Variants in DIAPH3 observed in about 807,000 individuals in gnomAD.
The protein encoded by DIAPH3 is protein diaphanous homolog 3.
DIAPH3 carries 117 observed loss-of-function variants against 144.3 expected under a neutral mutation model. The observed-to-expected ratio is 0.81, with a 90% CI of 0.70 to 0.95. The LOEUF is 0.95. Ranked by LOEUF, DIAPH3 falls within the 40% of genes least tolerant of loss-of-function variation. DIAPH3 has a pLI of 0.00. For synonymous variants in DIAPH3, 519 were observed against 488.9 expected (o/e 1.06, Z -0.81); for missense variants, 1,421 against 1,412.7 (o/e 1.01, Z -0.09).
At chr13:59,781,189 C>G (rs1479715184) in intron 25 of DIAPH3, among the ~76,000 whole-genome samples, 4 of 152,022 alleles carry the variant, frequency 2.6e-5, no homozygotes, top group Non-Finnish European at 5.9e-5. Context: ...GAAAACAGGT[C>G]AAATATGTAG....
At chr13:59,729,304 T>C (rs1395265997) in intron 27 of DIAPH3, among the ~76,000 whole-genome samples, 36 of 152,180 alleles carry the variant, frequency 2.4e-4, no homozygotes, top group Non-Finnish European at 1.8e-4. Flanking sequence ...ATATTGTCTC[T>C]TTTTTAGTCT....
intron 17 of DIAPH3, among the ~76,000 whole-genome samples, chr13:59,962,093 GA>G (rs543672218): frequency 1.3e-5 from 2 of 151,796 alleles, no homozygotes; most frequent in Admixed American, 6.6e-5. Flanking sequence ...TTAAAAAAAA[GA>G]AAAAAAGGCA....
intron 3 of DIAPH3, among the ~76,000 whole-genome samples, chr13:60,099,910 A>AGGAG (rs2058218234): frequency 3.1e-5 from 1 of 32,680 alleles, no homozygotes; most frequent in Non-Finnish European, 7.1e-5. Context: ...AAGTAAGAGA[A>AGGAG]GGAAGGAAGG....
At position 59,833,106 on chromosome 13, in the gene DIAPH3, C is replaced by T. The variant is rs759339741; in HGVS notation, c.3027+1G>A. ...TTTAAAAAACAATTTTTTTACCATACCATGAATGTGGTTCTGAAGTTATTC... is the reference window on the plus strand; with the variant it reads ...TTTAAAAAACAATTTTTTTACCATATCATGAATGTGGTTCTGAAGTTATTC... On this transcript the variant is annotated splice_donor_variant, in intron 24 of 27. Coordinates refer to ENST00000400324, the MANE Select transcript of DIAPH3 (RefSeq NM_001042517.2). LOFTEE classifies it high-confidence loss of function. The T allele has an allele frequency of 6.2e-7, 1 of 1,606,424 alleles. No homozygotes were observed. Among genetic ancestry groups the T allele is most frequent in the Non-Finnish European group, 8.5e-7 (1 of 1,176,106 alleles).
chr13:60,105,885 C>T (rs2058406126), intron 3 of DIAPH3, among the ~76,000 whole-genome samples: 1 of 152,128 alleles, frequency 6.6e-6, no homozygotes, highest in Non-Finnish European at 1.5e-5. Flanking sequence ...TTTTTCTTTT[C>T]ATTCAGACTC....
intron 23 of DIAPH3, chr13:59,838,435 C>T (rs1405134334): frequency 3.3e-5 from 5 of 151,534 alleles, no homozygotes; most frequent in Non-Finnish European, 7.4e-5. Flanking sequence ...TACACACATA[C>T]ATACCGATTT....
chr13:59,915,759 G>A (rs2047190820), intron 19 of DIAPH3, among the ~76,000 whole-genome samples: 2 of 152,006 alleles, frequency 1.3e-5, no homozygotes. Context: ...AAAGGTAACT[G>A]TAATTGAAAA....
intron 1 of DIAPH3, among the ~76,000 whole-genome samples, chr13:60,152,505 T>A (rs1566829723): frequency 1.3e-5 from 2 of 148,994 alleles, no homozygotes; most frequent in South Asian, 4.2e-4. Context: ...TATATATATA[T>A]AAATTGGAAC....
At chr13:60,145,418 C>A (rs531040231) in intron 1 of DIAPH3, among the ~76,000 whole-genome samples, 1 of 152,304 alleles carries the variant, frequency 6.6e-6, no homozygotes, top group South Asian at 2.1e-4. Flanking sequence ...GAGGCTGAGG[C>A]GGGTGGATCA....
At chr13:59,873,161 G>A (rs560879687) in intron 21 of DIAPH3, among the ~76,000 whole-genome samples, 6 of 152,276 alleles carry the variant, frequency 3.9e-5, no homozygotes, top group African/African-American at 1.4e-4. Flanking sequence ...CTGGCTGCAT[G>A]TAAAATAAGA....
rs1593536895 is a variant in DIAPH3, at chr13:59,666,375, G to T, written c.*209C>A. The T allele has an allele frequency of 2.9e-5, 13 of 445,040 alleles. No individual in the cohort carries two copies. Among genetic ancestry groups the T allele is most frequent in the Admixed American group, 8.3e-5 (2 of 24,014 alleles). The allele number at this position is 445,040 out of a possible 1,614,324, so 27.6% of individuals were successfully genotyped here. A position where few individuals can be genotyped will look rare whatever the true frequency, so the allele number is the denominator to read the frequency against. On this transcript the variant is annotated 3_prime_UTR_variant, in exon 28 of 28. Coordinates refer to ENST00000400324, the MANE Select transcript of DIAPH3 (RefSeq NM_001042517.2). The stretch of plus-strand genomic sequence containing the variant: ...CAGGAGACAAAAAAAAAAAAAAAAG[G>T]ATTAAAGCCCGGTACAATCTTGAAT...
intron 22 of DIAPH3, among the ~76,000 whole-genome samples, chr13:59,855,934 A>G (rs1157521188): frequency 2.0e-5 from 3 of 152,030 alleles, no homozygotes; most frequent in Admixed American, 6.6e-5. Context: ...TGAGTAAAAG[A>G]AAAAGACAAA....
intron 24 of DIAPH3, among the ~76,000 whole-genome samples, chr13:59,829,073 C>CA (rs1296364688): frequency 1.3e-5 from 2 of 151,666 alleles, no homozygotes; most frequent in African/African-American, 4.8e-5. Context: ...ATAGAGCAAA[C>CA]AAAAAAATGA....
intron 1 of DIAPH3, among the ~76,000 whole-genome samples, chr13:60,140,864 GT>G (rs1254279245): frequency 1.3e-5 from 2 of 152,074 alleles, no homozygotes; most frequent in Non-Finnish European, 2.9e-5. Context: ...TAATAGGCTA[GT>G]TTTTTAATGC....
chr13:59,988,512 G>A (rs1250886186), intron 12 of DIAPH3, among the ~76,000 whole-genome samples: 1 of 151,806 alleles, frequency 6.6e-6, no homozygotes, highest in Non-Finnish European at 1.5e-5. Flanking sequence ...TAATGTGGCT[G>A]AAATTTCATG....
At chr13:59,823,892 G>A (rs879764234) in intron 24 of DIAPH3, among the ~76,000 whole-genome samples, 11 of 152,082 alleles carry the variant, frequency 7.2e-5, no homozygotes, top group African/African-American at 1.4e-4. Context: ...TACTTTAGTC[G>A]GAGAATTCAG....
At chr13:59,858,861 A>G (rs928436795) in intron 22 of DIAPH3, among the ~76,000 whole-genome samples, 3 of 152,188 alleles carry the variant, frequency 2.0e-5, no homozygotes, top group African/African-American at 4.8e-5. Flanking sequence ...GTCCTAATGA[A>G]GTAGATTTTT....
intron 4 of DIAPH3, among the ~76,000 whole-genome samples, chr13:60,062,720 C>A (rs964401661): frequency 2.6e-5 from 4 of 152,126 alleles, no homozygotes; most frequent in Admixed American, 2.6e-4. Flanking sequence ...AAGTGAGTCA[C>A]GTGAACTTTT....
intron 22 of DIAPH3, among the ~76,000 whole-genome samples, chr13:59,846,193 T>C: frequency 6.6e-6 from 1 of 151,944 alleles, no homozygotes. Context: ...ATTTACTAGA[T>C]TAAGATTTCA....
Sources: allele counts gnomAD v4.1 joint callset (sites outside exome capture counted in the v4.1 genomes callset), GRCh38; gene constraint gnomAD v4.1.1; transcripts MANE v1.5; gene names NCBI Gene and HGNC (gene_info 2026-07-23, HGNC 2026-07-21).